MDGA2: variants seen among roughly 807,000 people sequenced by gnomAD.
MDGA2 encodes MAM domain-containing glycosylphosphatidylinositol anchor protein 2.
A neutral mutation model predicts 117.8 loss-of-function variants in MDGA2; 40 were observed. That is an observed-to-expected ratio of 0.34 (90% CI 0.26 to 0.44). The LOEUF is 0.44. Among genes scored for constraint, MDGA2 ranks in the 20% least tolerant of loss-of-function variants. The pLI, the probability that MDGA2 is intolerant of heterozygous loss-of-function variation, is 1.00. For synonymous variants in MDGA2, 452 were observed against 439.0 expected, an observed-to-expected ratio of 1.03 and a Z score of -0.37; for missense variants, 1,123 against 1,250.6, an observed-to-expected ratio of 0.90 and a Z score of 1.54.
intron 1 of MDGA2, among the ~76,000 whole-genome samples, chr14:47,538,736 T>C (rs1349921782): frequency 2.0e-5 from 3 of 152,156 alleles, no homozygotes; most frequent in African/African-American, 4.8e-5. Flanking sequence ...TCTAAGATAT[T>C]TGAAAGGTAA....
chr14:47,177,609 A>C (rs1429394226), intron 3 of MDGA2, among the ~76,000 whole-genome samples: 1 of 152,132 alleles, frequency 6.6e-6, no homozygotes, highest in Non-Finnish European at 1.5e-5. Context: ...ATGAGAACAC[A>C]TGGACACAGG....
chr14:47,674,439 G>T, intron 1 of MDGA2, 78 bp downstream of exon 1: 1 of 1,277,124 alleles, frequency 7.8e-7, no homozygotes, highest in Non-Finnish European at 1.1e-6. Context: ...CCGGAACGGC[G>T]CGAGTCGTGC....
At chr14:47,665,898 C>T (rs1897946672) in intron 1 of MDGA2, among the ~76,000 whole-genome samples, 2 of 149,528 alleles carry the variant, frequency 1.3e-5, no homozygotes, top group African/African-American at 4.9e-5. Context: ...CGGCCCCCTG[C>T]TCCATGGTGC....
intron 1 of MDGA2, among the ~76,000 whole-genome samples, chr14:47,553,855 T>A (rs1265127628): frequency 6.6e-6 from 1 of 152,204 alleles, no homozygotes; most frequent in African/African-American, 2.4e-5. Context: ...TTATCAGTAA[T>A]GAAGATAATA....
chr14:47,009,926 T>C (rs1299378604), intron 8 of MDGA2, among the ~76,000 whole-genome samples: 2 of 152,056 alleles, frequency 1.3e-5, no homozygotes, highest in Non-Finnish European at 2.9e-5. Flanking sequence ...TTTCTAGCCC[T>C]CTGAATCTTC....
At chr14:47,213,682 G>T (rs1885969018) in intron 3 of MDGA2, among the ~76,000 whole-genome samples, 1 of 152,012 alleles carries the variant, frequency 6.6e-6, no homozygotes, top group Admixed American at 6.6e-5. Context: ...ATATGTAAGA[G>T]CTATTTTATA....
intron 14 of MDGA2, among the ~76,000 whole-genome samples, chr14:46,860,176 A>C (rs1332564380): frequency 6.6e-6 from 1 of 152,088 alleles, no homozygotes; most frequent in Non-Finnish European, 1.5e-5. Context: ...TTCATCTCTA[A>C]ATCTCTCATT....
chr14:47,249,313 G>A (rs1042116402), intron 2 of MDGA2, among the ~76,000 whole-genome samples: 2 of 151,608 alleles, frequency 1.3e-5, no homozygotes, highest in African/African-American at 4.8e-5. Context: ...CACCACGCCC[G>A]GCCTCTTTCT....
At chr14:47,318,538 C>T (rs577541887) in intron 1 of MDGA2, among the ~76,000 whole-genome samples, 11 of 152,190 alleles carry the variant, frequency 7.2e-5, no homozygotes, top group East Asian at 1.9e-4. Context: ...TACTACTTAA[C>T]GTGATACAGT....
At chr14:47,284,917 C>T (rs184371117) in intron 2 of MDGA2, among the ~76,000 whole-genome samples, 1 of 152,198 alleles carries the variant, frequency 6.6e-6, no homozygotes, top group East Asian at 1.9e-4. Flanking sequence ...TTAGTTTAAT[C>T]CATGAACATA....
At chr14:46,845,929 T>C in intron 15 of MDGA2, 58 bp from the exon 16 acceptor site, 1 of 1,242,582 alleles carries the variant, frequency 8.0e-7, no homozygotes, top group South Asian at 1.2e-5. Context: ...GATCAGTTTC[T>C]CTTGAGAAAT....
intron 3 of MDGA2, among the ~76,000 whole-genome samples, chr14:47,200,357 A>C (rs1323733313): frequency 6.6e-6 from 1 of 152,028 alleles, no homozygotes; most frequent in Non-Finnish European, 1.5e-5. Context: ...AGAATGAACG[A>C]AACAATTTAA....
intron 1 of MDGA2, among the ~76,000 whole-genome samples, chr14:47,463,457 G>A (rs1893534308): frequency 6.6e-6 from 1 of 151,996 alleles, no homozygotes; most frequent in South Asian, 2.1e-4. Flanking sequence ...ACAAATAATT[G>A]TACATCTTAC....
At chr14:46,982,056 T>C (rs1886691903) in intron 8 of MDGA2, among the ~76,000 whole-genome samples, 1 of 152,230 alleles carries the variant, frequency 6.6e-6, no homozygotes, top group African/African-American at 2.4e-5. Context: ...CATAAGTATT[T>C]GAGCATCACC....
intron 5 of MDGA2, among the ~76,000 whole-genome samples, chr14:47,111,145 G>A (rs1426445652): frequency 1.3e-5 from 2 of 152,094 alleles, no homozygotes; most frequent in Non-Finnish European, 2.9e-5. Context: ...ATTATAGGAG[G>A]TAGGTACTAT....
intron 3 of MDGA2, among the ~76,000 whole-genome samples, chr14:47,165,226 T>G (rs1452834952): frequency 6.6e-6 from 1 of 152,116 alleles, no homozygotes; most frequent in Non-Finnish European, 1.5e-5. Context: ...ATTGTGCACA[T>G]GTACCCTAGT....
intron 3 of MDGA2, 77 bp from the exon 4 acceptor site, chr14:47,144,351 A>C (rs2139202780): frequency 9.7e-7 from 1 of 1,026,528 alleles, no homozygotes; most frequent in East Asian, 2.7e-5. Flanking sequence ...ATATAACCCA[A>C]CCAAAAATGC....
intron 10 of MDGA2, among the ~76,000 whole-genome samples, chr14:46,904,225 A>G (rs1434910935): frequency 6.6e-6 from 1 of 152,010 alleles, no homozygotes; most frequent in African/African-American, 2.4e-5. Context: ...ATTAAAAATT[A>G]GCTGGGCCTG....
chr14:47,517,866 A>C (rs1037670271), intron 1 of MDGA2, among the ~76,000 whole-genome samples: 1 of 152,200 alleles, frequency 6.6e-6, no homozygotes, highest in Non-Finnish European at 1.5e-5. Flanking sequence ...TTTAATATAA[A>C]GAAAAAGTGT....
Sources: allele counts gnomAD v4.1 joint callset (sites outside exome capture counted in the v4.1 genomes callset), GRCh38; gene constraint gnomAD v4.1.1; transcripts MANE v1.5; gene names NCBI Gene and HGNC (gene_info 2026-07-23, HGNC 2026-07-21).